The following SUCLG2 variants were observed in gnomAD, a reference collection of about 807,000 sequenced individuals.
SUCLG2 encodes the protein succinate-CoA ligase GDP-forming subunit beta.
SUCLG2 carries 42 observed loss-of-function variants against 47.9 expected under a neutral mutation model. The observed-to-expected ratio is 0.88, with a 90% confidence interval of 0.69 to 1.14. The LOEUF (loss-of-function observed/expected upper bound fraction) is 1.14, where lower values mean the gene tolerates loss of function less well. Among genes scored for constraint, SUCLG2 ranks in the 50% most tolerant of loss-of-function variants. The probability of loss-of-function intolerance (pLI) is 0.00; values close to 1 mark genes in which losing one functional copy is unlikely to be tolerated. For missense variants in SUCLG2, 571 were observed against 525.9 expected, an observed-to-expected ratio of 1.09 and a Z score of -0.84; for synonymous variants, 195 against 197.3, an observed-to-expected ratio of 0.99 and a Z score of 0.10.
intron 1 of SUCLG2, among the ~76,000 whole-genome samples, chr3:67,612,835 C>G (rs775119614): frequency 6.6e-6 from 1 of 152,228 alleles, no homozygotes. Flanking sequence ...TTCTGACCAA[C>G]CAGTTATCAA....
At chr3:67,383,575 A>C (rs1575659778) in intron 10 of SUCLG2, among the ~76,000 whole-genome samples, 1 of 152,182 alleles carries the variant, frequency 6.6e-6, no homozygotes, top group African/African-American at 2.4e-5. Context: ...AGTTATTCGG[A>C]CCATCACAGC....
chr3:67,527,666 C>G lies in SUCLG2; in HGVS notation c.417+466G>C, dbSNP rs555675394. 3.3e-5 allele frequency among the ~76,000 whole-genome samples: 5 copies of G among 152,078 alleles called. No individual in the cohort carries two copies. In the South Asian group the frequency reaches 6.2e-4, roughly 19 times the overall value. On this transcript the variant is annotated intron_variant, in intron 4 of 10. Coordinates refer to ENST00000307227, the MANE Select transcript of SUCLG2 (RefSeq NM_003848.4). ...CAGCTGACCTTCCTAATGCAATATACCCCCAGCAATAAAAATGGCTCAAAA... is the reference window on the plus strand; with the variant it reads ...CAGCTGACCTTCCTAATGCAATATAGCCCCAGCAATAAAAATGGCTCAAAA...
At chr3:67,542,027 C>T (rs1388327872) in intron 2 of SUCLG2, among the ~76,000 whole-genome samples, 1 of 152,046 alleles carries the variant, frequency 6.6e-6, no homozygotes, top group African/African-American at 2.4e-5. Context: ...GCATGCACCA[C>T]CACACCTGGC....
chr3:67,530,217 C>T (rs1706365214), intron 2 of SUCLG2, among the ~76,000 whole-genome samples: 1 of 152,152 alleles, frequency 6.6e-6, no homozygotes, highest in African/African-American at 2.4e-5. Flanking sequence ...AGCTGTGTGA[C>T]ATTAGGCAAG....
At chr3:67,649,547 T>TCCA (rs56107564) in intron 1 of SUCLG2, among the ~76,000 whole-genome samples, 53,169 of 151,692 alleles carry the variant, frequency 0.35, 9,525 homozygotes, top group African/African-American at 0.37. Flanking sequence ...ACTTCTGCTA[T>TCCA]CCACCTCTCC....
chr3:67,518,157 T>A (rs997749269), intron 6 of SUCLG2, 90 bp downstream of exon 6: 3 of 1,036,986 alleles, frequency 2.9e-6, no homozygotes, highest in African/African-American at 1.6e-5. Flanking sequence ...TCCTGTTTCC[T>A]GGTAATCACA....
intron 10 of SUCLG2, chr3:67,376,428 A>C (rs1702036235): frequency 3.0e-5 from 30 of 985,274 alleles, no homozygotes; most frequent in Non-Finnish European, 3.5e-5. Flanking sequence ...CTTCTGGCCA[A>C]GTCACTTCAT....
At chr3:67,634,862 G>A (rs550955303) in intron 1 of SUCLG2, among the ~76,000 whole-genome samples, 7 of 152,122 alleles carry the variant, frequency 4.6e-5, no homozygotes, top group East Asian at 3.8e-4. Flanking sequence ...GAATGTGCAC[G>A]TGTGTATATG....
chr3:67,596,930 T>A (rs1708307042), intron 2 of SUCLG2, among the ~76,000 whole-genome samples: 1 of 152,142 alleles, frequency 6.6e-6, no homozygotes, highest in East Asian at 1.9e-4. Context: ...ACCTTTAAAC[T>A]GAAATGAGCA....
intron 1 of SUCLG2, among the ~76,000 whole-genome samples, chr3:67,644,173 CG>C (rs1191271235): frequency 6.6e-6 from 1 of 152,002 alleles, no homozygotes; most frequent in Non-Finnish European, 1.5e-5. Context: ...TATACCTCCA[CG>C]GAACACTCAT....
intron 9 of SUCLG2, among the ~76,000 whole-genome samples, chr3:67,420,385 C>CAA (rs951177680): frequency 2.6e-5 from 4 of 152,012 alleles, no homozygotes; most frequent in Non-Finnish European, 5.9e-5. Flanking sequence ...GAATGTGTTC[C>CAA]AAAAACAAAT....
At chr3:67,486,833 G>A (rs1399685738) in intron 9 of SUCLG2, among the ~76,000 whole-genome samples, 1 of 152,138 alleles carries the variant, frequency 6.6e-6, no homozygotes, top group Non-Finnish European at 1.5e-5. Flanking sequence ...AGAAGGCAGA[G>A]GATTGCCTTT....
chr3:67,578,913 G>A (rs980196481), intron 2 of SUCLG2, among the ~76,000 whole-genome samples: 1 of 152,190 alleles, frequency 6.6e-6, no homozygotes, highest in Non-Finnish European at 1.5e-5. Context: ...GAGGCCAAGG[G>A]AGGTTGGGGT....
rs116600076 is a variant in SUCLG2 at position 67,632,152 on chromosome 3, C to T, written c.84+22351G>A. On this transcript the variant is annotated intron_variant, in intron 1 of 10. Transcript: ENST00000307227. Reference sequence around the variant, plus strand: ...ATGTACAAATAAATAGACAAATAAGCCAGTTCAAGCACAAATTCTACAGGG... The same window carrying T: ...ATGTACAAATAAATAGACAAATAAGTCAGTTCAAGCACAAATTCTACAGGG... 3.4e-3 allele frequency among the ~76,000 whole-genome samples: 523 copies of T among 152,154 alleles called. 6 individuals carry two copies. Among genetic ancestry groups the T allele is most frequent in the East Asian group, 0.02 (103 of 5,178 alleles).
At chr3:67,409,182 T>TGGGGAGGGGACATGAAGGTACA in intron 9 of SUCLG2, 2 of 828,660 alleles carry the variant, frequency 2.4e-6, no homozygotes, top group Non-Finnish European at 1.8e-6. Context: ...TAGATGGGGC[T>TGGGGAGGGGACATGAAGGTACA]GGGGAGGGGT....
In SUCLG2 at chr3:67,629,632, G is replaced by A. The variant is rs1050103817; in HGVS notation, c.85-20036C>T. On this transcript the variant is annotated intron_variant, in intron 1 of 10. Transcript: ENST00000307227. ...CATTCGTGACTGAACTCAATCTCCA[G>A]CCTCTCTCCCCTACTTAGAGGTGTT... Among the ~76,000 whole-genome samples, 20 of 152,134 alleles carry A rather than the reference G, an allele frequency of 1.3e-4. No individual in the cohort carries two copies. In the South Asian group the frequency reaches 1.9e-3, roughly 14 times the overall value.
chr3:67,538,825 G>A (rs978714607), intron 2 of SUCLG2, among the ~76,000 whole-genome samples: 5 of 152,158 alleles, frequency 3.3e-5, no homozygotes, highest in South Asian at 2.1e-4. Context: ...TAGCAATTGT[G>A]AATGTGAGTT....
chr3:67,626,120 C>T (rs189168188), intron 1 of SUCLG2, among the ~76,000 whole-genome samples: 3 of 151,630 alleles, frequency 2.0e-5, no homozygotes, highest in Admixed American at 2.0e-4. Context: ...CCCGGGTTCA[C>T]GCCATTCTCC....
chr3:67,494,762 A>G (rs1401732064), intron 9 of SUCLG2, among the ~76,000 whole-genome samples: 3 of 152,224 alleles, frequency 2.0e-5, no homozygotes, highest in Non-Finnish European at 4.4e-5. Context: ...GTCTTTCTAC[A>G]TAACAAGCAT....
Sources: gnomAD v4.1 joint callset for allele counts (sites outside exome capture counted in the v4.1 genomes callset) on GRCh38, gnomAD v4.1.1 for gene constraint, MANE v1.5 for transcripts, NCBI Gene and HGNC (gene_info 2026-07-23, HGNC 2026-07-21) for gene names.